CFAP77: variants seen among roughly 807,000 people sequenced by gnomAD.
The protein encoded by CFAP77 is cilia- and flagella-associated protein 77.
In CFAP77, 25 loss-of-function variants were observed where a neutral mutation model predicts 31.1. The ratio of observed to expected loss-of-function variants is 0.80; its 90% confidence interval spans 0.59 to 1.12. CFAP77 has a LOEUF of 1.12. CFAP77 is among the 50% of genes most tolerant of loss of function. CFAP77 has a pLI of 0.00. For missense variants in CFAP77, 377 were observed against 397.3 expected (o/e 0.95, Z 0.44); for synonymous variants, 151 against 159.9 (o/e 0.94, Z 0.42).
In CFAP77 at chr9:132,411,687, TGAA is replaced by T. The variant is rs766090074; in HGVS notation, c.195+1223_195+1225del. Among the ~76,000 whole-genome samples the T allele has an allele frequency of 5.9e-5, 9 of 152,258 alleles. No homozygotes were observed. In the South Asian group the frequency reaches 8.3e-4, roughly 14 times the overall value. On this transcript the variant is annotated intron_variant, in intron 1 of 5. Transcript: ENST00000393216. ...GCAGGTGGGGCCCATTATTCTTGGATGAAGGAGAGAATCACGTCCGCCACCTCT... is the reference window on the plus strand; with the variant it reads ...GCAGGTGGGGCCCATTATTCTTGGATGGAGAGAATCACGTCCGCCACCTCT...
At chr9:132,563,792 C>T (rs915310029) in intron 5 of CFAP77, among the ~76,000 whole-genome samples, 2 of 152,192 alleles carry the variant, frequency 1.3e-5, no homozygotes, top group Admixed American at 6.5e-5. Context: ...CCGTTATTAC[C>T]AATCCGATGT....
chr9:132,438,199 CAAAAA>C (rs954482789), intron 1 of CFAP77, among the ~76,000 whole-genome samples: 3 of 47,886 alleles, frequency 6.3e-5, no homozygotes, highest in African/African-American at 1.5e-4. Flanking sequence ...GAGACGCCAT[CAAAAA>C]AAAAAAAAAA....
intron 1 of CFAP77, among the ~76,000 whole-genome samples, chr9:132,483,899 C>CA (rs1417362551): frequency 6.6e-6 from 1 of 151,642 alleles, no homozygotes; most frequent in Non-Finnish European, 1.5e-5. Context: ...AGTTGCTCGA[C>CA]AGGAACCATG....
chr9:132,503,137 CG>C (rs956124017), intron 3 of CFAP77, among the ~76,000 whole-genome samples: 22 of 152,298 alleles, frequency 1.4e-4, no homozygotes, highest in African/African-American at 2.9e-4. Flanking sequence ...AAAGTCACTT[CG>C]GGGCTGGATT....
At chr9:132,464,659 G>A (rs969184447) in intron 1 of CFAP77, among the ~76,000 whole-genome samples, 10 of 152,146 alleles carry the variant, frequency 6.6e-5, no homozygotes, top group Admixed American at 6.5e-4. Flanking sequence ...CATCTTGGAA[G>A]CCTGGAGTGT....
chr9:132,569,169 C>T (rs1348570851), intron 5 of CFAP77, among the ~76,000 whole-genome samples: 1 of 152,088 alleles, frequency 6.6e-6, no homozygotes, highest in South Asian at 2.1e-4. Flanking sequence ...TTTGGGAGGC[C>T]AAGGGAGGAG....
intron 1 of CFAP77, among the ~76,000 whole-genome samples, chr9:132,484,915 T>C (rs977921615): frequency 6.6e-6 from 1 of 151,712 alleles, no homozygotes; most frequent in Non-Finnish European, 1.5e-5. Context: ...GTGGCATGCT[T>C]TTGGGTCACT....
At position 132,469,744 on chromosome 9, in the gene CFAP77, C is replaced by T. The variant is rs80214889; in HGVS notation, c.196-28951C>T. Reference sequence around the variant, plus strand: ...CCCTGACCCCAGTGCTCCACCCCGGCGGTGACATCTTAAACATCTAAGAAA... The same window carrying T: ...CCCTGACCCCAGTGCTCCACCCCGGTGGTGACATCTTAAACATCTAAGAAA... On this transcript the variant is annotated intron_variant, in intron 1 of 5. Transcript: ENST00000393216. Among the ~76,000 whole-genome samples the T allele has an allele frequency of 1.4e-3, 207 of 152,176 alleles. 1 individual carries two copies. Among genetic ancestry groups the T allele is most frequent in the Admixed American group, 2.4e-3 (36 of 15,278 alleles).
intron 1 of CFAP77, chr9:132,482,554 A>G: frequency 2.9e-6 from 2 of 683,212 alleles, no homozygotes; most frequent in Non-Finnish European, 5.1e-6. Flanking sequence ...AAATGTTGTC[A>G]TTACGCCATG....
chr9:132,505,012 T>C (rs1187847307), intron 3 of CFAP77, among the ~76,000 whole-genome samples: 2 of 152,186 alleles, frequency 1.3e-5, no homozygotes, highest in Non-Finnish European at 2.9e-5. Flanking sequence ...TTTGGTCCAA[T>C]AAATAAATAA....
chr9:132,482,470 AG>A, intron 1 of CFAP77: 1 of 1,502,078 alleles, frequency 6.7e-7, no homozygotes. Context: ...AGGGGAAAAG[AG>A]GGGCCCCTCC....
chr9:132,533,311 G>A (rs930002753), intron 3 of CFAP77, among the ~76,000 whole-genome samples: 2 of 152,212 alleles, frequency 1.3e-5, no homozygotes, highest in African/African-American at 4.8e-5. Context: ...CCAGTGTGTA[G>A]GCTGAGGAAC....
At position 132,564,680 on chromosome 9, in the gene CFAP77, C is replaced by T. The variant is rs190207586; in HGVS notation, c.733-7708C>T. ...GATGAAAGGTAATTAGCTAAGCCAA[C>T]GACTCTAGATGCTAGAAAAAGAACA... On this transcript the variant is annotated intron_variant, in intron 5 of 5. Coordinates refer to ENST00000393216, the MANE Select transcript of CFAP77 (RefSeq NM_001282957.2). The surrounding 1 kb of genome is among the most constrained non-coding windows in gnomAD (Gnocchi z 4.6). 1.2e-4 allele frequency among the ~76,000 whole-genome samples: 18 copies of T among 152,234 alleles called. No individual in the cohort carries two copies. Among genetic ancestry groups the T allele is most frequent in the African/African-American group, 3.6e-4 (15 of 41,536 alleles).
At chr9:132,457,219 G>A (rs1452568108) in intron 1 of CFAP77, among the ~76,000 whole-genome samples, 1 of 148,670 alleles carries the variant, frequency 6.7e-6, no homozygotes, top group African/African-American at 2.5e-5. Flanking sequence ...GTCCAGTTGT[G>A]TGATCCTGAG....
chr9:132,485,060 G>C (rs562813500), intron 1 of CFAP77, among the ~76,000 whole-genome samples: 1 of 152,146 alleles, frequency 6.6e-6, no homozygotes, highest in East Asian at 1.9e-4. Flanking sequence ...TTTTGGCCGG[G>C]CTAGTCTCGA....
intron 1 of CFAP77, among the ~76,000 whole-genome samples, chr9:132,457,893 C>T (rs1850949888): frequency 2.0e-5 from 3 of 152,228 alleles, no homozygotes; most frequent in African/African-American, 2.4e-5. Flanking sequence ...CACCCCTTTC[C>T]CTCCCTGAAA....
At chr9:132,484,955 T>G (rs1851513920) in intron 1 of CFAP77, among the ~76,000 whole-genome samples, 1 of 151,948 alleles carries the variant, frequency 6.6e-6, no homozygotes, top group Non-Finnish European at 1.5e-5. Flanking sequence ...TTCAAGCGAT[T>G]CTCCCGCCTC....
Position 132,545,216 on chromosome 9 carries a change from A to G in CFAP77, c.732+2169A>G, listed in dbSNP as rs966875582. Among the ~76,000 whole-genome samples the G allele has an allele frequency of 1.3e-5, 2 of 152,248 alleles. No individual in the cohort carries two copies. Among genetic ancestry groups the G allele is most frequent in the African/African-American group, 4.8e-5 (2 of 41,466 alleles). ...CTGAAATATGATTATGAACAATAGC[A>G]AACCAGGAATGATGGCCTCCTGTGC... is the stretch of plus-strand genomic sequence containing the variant. On this transcript the variant is annotated intron_variant, in intron 5 of 5. Transcript: ENST00000393216. The surrounding 1 kb of genome is among the most constrained non-coding windows in gnomAD (Gnocchi z 4.6).
chr9:132,430,762 A>C (rs577594198), intron 1 of CFAP77, among the ~76,000 whole-genome samples: 8 of 152,236 alleles, frequency 5.3e-5, no homozygotes, highest in African/African-American at 1.9e-4. Context: ...ACCTCCTATC[A>C]TATCAGCCCT....
Sources: gnomAD v4.1 joint callset for allele counts (sites outside exome capture counted in the v4.1 genomes callset) on GRCh38, gnomAD v4.1.1 for gene constraint, Gnocchi (gnomAD v3.1) non-coding constraint, MANE v1.5 for transcripts, NCBI Gene and HGNC (gene_info 2026-07-23, HGNC 2026-07-21) for gene names.